Variants in SBF2 observed in about 807,000 individuals in gnomAD.
SBF2 encodes the protein myotubularin-related protein 13.
In SBF2, 112 loss-of-function variants were observed where a neutral mutation model predicts 225.2. That is an observed-to-expected ratio of 0.50 (90% CI 0.43 to 0.58). The LOEUF (loss-of-function observed/expected upper bound fraction) is 0.58, where lower values mean the gene tolerates loss of function less well. Ranked by LOEUF, SBF2 falls within the 20% of genes least tolerant of loss-of-function variation. SBF2 has a pLI of 0.00. For synonymous variants in SBF2, 763 were observed against 773.3 expected (o/e 0.99, Z 0.22); for missense variants, 1,996 against 2,206.2 (o/e 0.90, Z 1.91).
intron 2 of SBF2, among the ~76,000 whole-genome samples, chr11:10,132,493 G>A (rs1954107413): frequency 6.7e-6 from 1 of 148,734 alleles, no homozygotes; most frequent in Non-Finnish European, 1.5e-5. Flanking sequence ...GCTGGCTCAG[G>A]AGTGAAGCTG....
intron 2 of SBF2, among the ~76,000 whole-genome samples, chr11:10,115,148 G>A (rs1023195778): frequency 5.9e-5 from 9 of 151,826 alleles, no homozygotes; most frequent in Non-Finnish European, 1.0e-4. Flanking sequence ...GAAATTCCTG[G>A]CCTCGGTGAA....
At chr11:10,286,176 A>G (rs1963767750) in intron 1 of SBF2, among the ~76,000 whole-genome samples, 3 of 151,892 alleles carry the variant, frequency 2.0e-5, no homozygotes, top group South Asian at 2.1e-4. Flanking sequence ...GCACACACAC[A>G]CACACACACA....
At chr11:10,072,381 C>A (rs1950917288) in intron 2 of SBF2, among the ~76,000 whole-genome samples, 1 of 151,988 alleles carries the variant, frequency 6.6e-6, no homozygotes, top group African/African-American at 2.4e-5. Flanking sequence ...TCTCTCAGGC[C>A]CAACAACCTA....
At chr11:9,790,438 T>C in intron 34 of SBF2, 118 bp downstream of exon 34, 1 of 826,074 alleles carries the variant, frequency 1.2e-6, no homozygotes, top group East Asian at 2.7e-5. Flanking sequence ...AATAGCTTTT[T>C]GGTATGAAAC....
chr11:10,103,539 TTTTGTC>T (rs1952409305), intron 2 of SBF2, among the ~76,000 whole-genome samples: 1 of 152,220 alleles, frequency 6.6e-6, no homozygotes. Context: ...TCCTTGTCAA[TTTTGTC>T]TTTACCTGTG....
chr11:9,933,284 G>C (rs1864637347), intron 16 of SBF2, among the ~76,000 whole-genome samples: 1 of 152,138 alleles, frequency 6.6e-6, no homozygotes, highest in African/African-American at 2.4e-5. Flanking sequence ...TCCAGGACTT[G>C]AACTCAGCTC....
At chr11:10,004,574 T>TAAAAAAAAAAAAAAA (rs763688115) in intron 6 of SBF2, among the ~76,000 whole-genome samples, 1 of 85,536 alleles carries the variant, frequency 1.2e-5, no homozygotes, top group Non-Finnish European at 2.3e-5. Flanking sequence ...CTACAAAAAT[T>TAAAAAAAAAAAAAAA]AAAAAAAAAA....
chr11:9,851,906 G>A (rs928972045), intron 21 of SBF2, among the ~76,000 whole-genome samples: 1 of 152,088 alleles, frequency 6.6e-6, no homozygotes, highest in Non-Finnish European at 1.5e-5. Flanking sequence ...GAGTATCTGG[G>A]ACTACAGATA....
intron 1 of SBF2, among the ~76,000 whole-genome samples, chr11:10,266,438 T>C (rs1961999421): frequency 6.6e-6 from 1 of 152,210 alleles, no homozygotes; most frequent in Non-Finnish European, 1.5e-5. Flanking sequence ...CCAGGCTAGA[T>C]ACGGGTAAAT....
At chr11:9,811,945 G>C (rs1215448871) in intron 30 of SBF2, among the ~76,000 whole-genome samples, 2 of 151,984 alleles carry the variant, frequency 1.3e-5, no homozygotes, top group Non-Finnish European at 2.9e-5. Flanking sequence ...AGAAATAAAG[G>C]GGCTTAAAGA....
intron 16 of SBF2, among the ~76,000 whole-genome samples, chr11:9,930,966 TG>T (rs1450555916): frequency 6.6e-6 from 1 of 152,254 alleles, no homozygotes; most frequent in Admixed American, 6.5e-5. Flanking sequence ...CAGGCTTGGC[TG>T]GTCCCATGTC....
intron 1 of SBF2, among the ~76,000 whole-genome samples, chr11:10,280,782 A>G (rs1450216539): frequency 6.6e-6 from 1 of 151,686 alleles, no homozygotes; most frequent in East Asian, 1.9e-4. Context: ...AACTTCTATT[A>G]CAAGATTTGC....
At chr11:9,786,281 C>T (rs1487705605) in intron 36 of SBF2, among the ~76,000 whole-genome samples, 1 of 152,122 alleles carries the variant, frequency 6.6e-6, no homozygotes, top group Non-Finnish European at 1.5e-5. Flanking sequence ...AAGGGTAAAA[C>T]AAGTTTGATA....
intron 17 of SBF2, among the ~76,000 whole-genome samples, chr11:9,891,693 G>A (rs1860832995): frequency 6.6e-6 from 1 of 152,200 alleles, no homozygotes; most frequent in Non-Finnish European, 1.5e-5. Flanking sequence ...CACCTTCAAA[G>A]AAGGCTTCCG....
chr11:10,084,877 A>G (rs1951500154), intron 2 of SBF2, among the ~76,000 whole-genome samples: 2 of 152,230 alleles, frequency 1.3e-5, no homozygotes, highest in South Asian at 4.1e-4. Flanking sequence ...GGTGCTAAAA[A>G]TGTGTTCACA....
At position 10,135,787 on chromosome 11, in the gene SBF2, A is replaced by T. The variant is rs534991053; in HGVS notation, c.141+58115T>A. Among the ~76,000 whole-genome samples, 6 of 152,272 alleles carry T rather than the reference A, an allele frequency of 3.9e-5. No individual in the cohort carries two copies. In the East Asian group the frequency reaches 1.2e-3, roughly 29 times the overall value. On this transcript the variant is annotated intron_variant, in intron 2 of 39. Coordinates refer to ENST00000256190, the MANE Select transcript of SBF2 (RefSeq NM_030962.4). ...GTCAAAGCCATTCAACAAGTCTAGG[A>T]GGTTCCAAACTGTCCTACATTTTCC...
At chr11:9,929,409 G>A (rs546738126) in intron 16 of SBF2, 67 of 205,086 alleles carry the variant, frequency 3.3e-4, no homozygotes, top group African/African-American at 1.5e-3. Context: ...CAGCTCAGGG[G>A]TAGGACCAAG....
chr11:9,864,802 T>C (rs1590258503), intron 17 of SBF2, among the ~76,000 whole-genome samples: 1 of 152,202 alleles, frequency 6.6e-6, no homozygotes, highest in South Asian at 2.1e-4. Context: ...CAGAAATTGG[T>C]AGACATCAAA....
At chr11:10,192,983 T>C (rs1174703018) in intron 2 of SBF2, among the ~76,000 whole-genome samples, 1 of 152,204 alleles carries the variant, frequency 6.6e-6, no homozygotes, top group Non-Finnish European at 1.5e-5. Flanking sequence ...CACCACCAGA[T>C]AGAATATCTT....
Sources: gnomAD v4.1 joint callset for allele counts (sites outside exome capture counted in the v4.1 genomes callset) on GRCh38, gnomAD v4.1.1 for gene constraint, MANE v1.5 for transcripts, NCBI Gene and HGNC (gene_info 2026-07-23, HGNC 2026-07-21) for gene names.